GPR146: variants seen among roughly 807,000 people sequenced by gnomAD.
GPR146 encodes the protein G-protein coupled receptor 146.
For missense variants in GPR146, 381 were observed against 213.9 expected (o/e 1.78, Z -4.87); for synonymous variants, 203 against 104.3 (o/e 1.95, Z -5.77).
rs1783199243 is a variant in GPR146, at chr7:1,052,332, C to A, written c.-24-5160C>A. On this transcript the variant is annotated intron_variant, in intron 1 of 1. Coordinates refer to ENST00000444847, the MANE Select transcript of GPR146 (RefSeq NM_001303473.2). The surrounding 1 kb of genome is among the most constrained non-coding windows in gnomAD (Gnocchi z 4.2). ...CCTGAGAAGAGCCCAGTCCTGGGTG[C>A]CTCCCTAGGGGAGGGCCTTGGGGCT... Among the ~76,000 whole-genome samples, 1 of 152,202 alleles carries A rather than the reference C, an allele frequency of 6.6e-6. No homozygotes were observed. The highest frequency in any genetic ancestry group is 2.4e-5 in the African/African-American group (1 of 41,464).
At chr7:1,048,388 C>T (rs551525715) in intron 1 of GPR146, among the ~76,000 whole-genome samples, 52 of 152,214 alleles carry the variant, frequency 3.4e-4, no homozygotes, top group African/African-American at 1.1e-3. Flanking sequence ...CTGCTGGTTT[C>T]TGTTTCTGCC....
chr7:1,053,042 G>A (rs1039973543), intron 1 of GPR146, among the ~76,000 whole-genome samples: 6 of 152,226 alleles, frequency 3.9e-5, no homozygotes, highest in African/African-American at 9.6e-5. Flanking sequence ...CATGGCTGAC[G>A]GGAAAGAAGG....
In GPR146 at chr7:1,057,794, G is replaced by A. The variant is rs61742514; in HGVS notation, c.279G>A (p.Ala93=). Residue 93 remains alanine, a synonymous_variant, in exon 2 of 2, where the codon GCG becomes GCA. Coordinates refer to ENST00000444847, the MANE Select transcript of GPR146 (RefSeq NM_001303473.2). The stretch of plus-strand genomic sequence containing the variant: ...TCGGCCCCCCGAGCTCCCGGTGGGC[G>A]CTGTGGAGTGTGGGCGGCGAAGTCC... ...HLLGPPSSRW[A]LWSVGGEVHV... 19,089 of 776,344 alleles carry A rather than the reference G, an allele frequency of 0.025. 377 individuals are homozygous for A. Among genetic ancestry groups the A allele is most frequent in the Non-Finnish European group, 0.035 (14,610 of 417,938 alleles). 48.1% of individuals were successfully genotyped at this position (776,344 alleles called of 1,614,324 possible).
intron 1 of GPR146, among the ~76,000 whole-genome samples, chr7:1,050,582 C>T (rs1193778754): frequency 6.6e-6 from 1 of 152,248 alleles, no homozygotes; most frequent in African/African-American, 2.4e-5. Flanking sequence ...CACCCTGGTG[C>T]AGGCGGACGG....
Position 1,044,639 on chromosome 7 carries a change from GGCC to G in GPR146, c.-37_-35del. 1 of 151,856 alleles carries G rather than the reference GGCC, an allele frequency of 6.6e-6. No homozygotes were observed. The highest frequency in any genetic ancestry group is 6.6e-5 in the Admixed American group (1 of 15,248). 9.4% of individuals were successfully genotyped at this position (151,856 alleles called of 1,614,324 possible). On this transcript the variant is annotated 5_prime_UTR_variant, in exon 1 of 2. Coordinates refer to ENST00000444847, the MANE Select transcript of GPR146 (RefSeq NM_001303473.2). ...CTGCCCGCCCGGCGGCGACTGCGCC[GGCC>G]GCCGCCCAGCAAGCCGGTGAGTGGG...
At chr7:1,049,336 G>A (rs916175316) in intron 1 of GPR146, among the ~76,000 whole-genome samples, 3 of 152,240 alleles carry the variant, frequency 2.0e-5, no homozygotes, top group African/African-American at 7.2e-5. Context: ...CTGGTAACAG[G>A]GAGCAAGTGC....
intron 1 of GPR146, among the ~76,000 whole-genome samples, chr7:1,049,854 C>T (rs920054828): frequency 6.6e-6 from 1 of 152,200 alleles, no homozygotes; most frequent in Non-Finnish European, 1.5e-5. Flanking sequence ...ACCAAGGTCC[C>T]GTGCGAGGAG....
chr7:1,048,712 G>A (rs1782814142), intron 1 of GPR146, among the ~76,000 whole-genome samples: 1 of 152,152 alleles, frequency 6.6e-6, no homozygotes, highest in Admixed American at 6.5e-5. Context: ...CACTTGAAAT[G>A]CTCCTGACAG....
At position 1,057,747 on chromosome 7, in the gene GPR146, G is replaced by A. The variant is rs780398748; in HGVS notation, c.232G>A (p.Ala78Thr). ...NMAVAGLVLSALAPVHLLGPP... is the reference protein window; with the variant it reads ...NMAVAGLVLSTLAPVHLLGPP... ...GGCAGTGGCAGGCCTGGTGCTCAGC[G>A]CCCTGGCCCCTGTGCACCTGCTCGG... The change falls in exon 2 of 2, where the codon GCC (alanine) becomes ACC (threonine). Residue 78 changes from alanine (A) to threonine (T), a missense_variant. Coordinates refer to ENST00000444847, the MANE Select transcript of GPR146 (RefSeq NM_001303473.2). The A allele has an allele frequency of 9.7e-5, 75 of 775,454 alleles. No individual in the cohort carries two copies. Among genetic ancestry groups the A allele is most frequent in the Middle Eastern group, 2.3e-4 (1 of 4,432 alleles). The allele number at this position is 775,454 out of a possible 1,614,324, so 48.0% of individuals were successfully genotyped here.
chr7:1,055,088 C>T (rs893392627), intron 1 of GPR146, among the ~76,000 whole-genome samples: 2 of 152,152 alleles, frequency 1.3e-5, no homozygotes, highest in Non-Finnish European at 2.9e-5. Context: ...CAGGGGCCTG[C>T]GGGCAGAGGC....
chr7:1,048,778 C>T (rs1194558392), intron 1 of GPR146, among the ~76,000 whole-genome samples: 1 of 152,194 alleles, frequency 6.6e-6, no homozygotes, highest in Non-Finnish European at 1.5e-5. Context: ...CCATGGTCTC[C>T]ACAGCCGCAC....
Position 1,058,741 on chromosome 7 carries a change from C to G in GPR146, c.*224C>G. 1.8e-6 allele frequency: 1 copy of G among 571,370 alleles called. No individual in the cohort carries two copies. 35.4% of individuals were successfully genotyped at this position (571,370 alleles called of 1,614,324 possible). On this transcript the variant is annotated 3_prime_UTR_variant, in exon 2 of 2. Transcript: ENST00000444847. ...AGTCTCCCCGAGGCCTGTGCGTCTCCCAAACACGCAGCTCAAGGTCCACAT... is the reference window on the plus strand; with the variant it reads ...AGTCTCCCCGAGGCCTGTGCGTCTCGCAAACACGCAGCTCAAGGTCCACAT...
In GPR146 at chr7:1,058,152, G is replaced by T. The variant is rs747398618; in HGVS notation, c.637G>T (p.Val213Phe). The part of the protein sequence containing the change: ...TLYALVLLSR[V>F]RREDTPLDRD... ...CTACGCGCTGGTGCTACTCTCCCGC[G>T]TCCGCAGGGAGGACACGCCCCTGGA... The change falls in exon 2 of 2, where the codon GTC (valine) becomes TTC (phenylalanine). Residue 213 changes from valine (V) to phenylalanine (F), a missense_variant. Coordinates refer to ENST00000444847, the MANE Select transcript of GPR146 (RefSeq NM_001303473.2). 1.8e-5 allele frequency: 13 copies of T among 739,630 alleles called. 1 individual carries two copies. In the South Asian group the frequency reaches 1.8e-4, roughly 10 times the overall value. 45.8% of individuals were successfully genotyped at this position (739,630 alleles called of 1,614,324 possible). A position where few individuals can be genotyped will look rare whatever the true frequency, so the allele number is the denominator to read the frequency against.
At chr7:1,045,629 T>G (rs1164226352) in intron 1 of GPR146, 2 of 152,246 alleles carry the variant, frequency 1.3e-5, no homozygotes, top group African/African-American at 2.4e-5. Flanking sequence ...GAGGCACTGT[T>G]AATAATTAGA....
rs766153370 is a variant in GPR146 at position 1,058,174 on chromosome 7, T to C, written c.659T>C (p.Leu220Pro). ...LSRVRREDTPLDRDTGRLEPS... is the reference protein window; with the variant it reads ...LSRVRREDTPPDRDTGRLEPS... ...CGCGTCCGCAGGGAGGACACGCCCCTGGACCGGGACACGGGCCGGCTGGAG... is the reference window on the plus strand; with the variant it reads ...CGCGTCCGCAGGGAGGACACGCCCCCGGACCGGGACACGGGCCGGCTGGAG... The change falls in exon 2 of 2, where the codon CTG becomes CCG. Residue 220 changes from leucine (L) to proline (P), a missense_variant. By Grantham distance (98) the Leu-to-Pro change is moderately conservative. Coordinates refer to ENST00000444847, the MANE Select transcript of GPR146 (RefSeq NM_001303473.2). The C allele has an allele frequency of 6.2e-5, 46 of 740,208 alleles. No homozygotes were observed. Among genetic ancestry groups the C allele is most frequent in the Non-Finnish European group, 1.1e-4 (45 of 403,898 alleles). The allele number at this position is 740,208 out of a possible 1,614,324, so 45.9% of individuals were successfully genotyped here.
chr7:1,055,102 G>A (rs1429148290), intron 1 of GPR146, among the ~76,000 whole-genome samples: 3 of 152,202 alleles, frequency 2.0e-5, no homozygotes, highest in African/African-American at 4.8e-5. Context: ...CAGAGGCCAC[G>A]GCCTCCATGA....
chr7:1,047,679 G>C (rs1020702268), intron 1 of GPR146, among the ~76,000 whole-genome samples: 1 of 152,270 alleles, frequency 6.6e-6, no homozygotes, highest in African/African-American at 2.4e-5. Context: ...TCGGCCAGGA[G>C]CTGGCCGTGG....
At chr7:1,053,471 A>G (rs1344603159) in intron 1 of GPR146, among the ~76,000 whole-genome samples, 2 of 152,190 alleles carry the variant, frequency 1.3e-5, no homozygotes, top group African/African-American at 2.4e-5. Flanking sequence ...ACTGGCTCAC[A>G]TGACTCGCCA....
intron 1 of GPR146, among the ~76,000 whole-genome samples, chr7:1,054,100 G>A (rs532028827): frequency 7.9e-5 from 12 of 152,306 alleles, no homozygotes; most frequent in African/African-American, 2.2e-4. Context: ...TGAGCTCCTC[G>A]GCTTTAGGAA....
Sources: allele counts gnomAD v4.1 joint callset (sites outside exome capture counted in the v4.1 genomes callset), GRCh38; gene constraint gnomAD v4.1.1; non-coding constraint Gnocchi (gnomAD v3.1); transcripts MANE v1.5; gene names NCBI Gene and HGNC (gene_info 2026-07-23, HGNC 2026-07-21).